Variants in TRPM1 observed in about 807,000 individuals in gnomAD.
TRPM1 encodes TRPM1-203 APA Isoform, Intron 10.
Under a neutral mutation model 149.4 loss-of-function variants are expected in TRPM1, and 113 were observed. That is an observed-to-expected ratio of 0.76 (90% CI 0.65 to 0.88). TRPM1 has a LOEUF of 0.88. TRPM1 is among the 40% of genes least tolerant of loss of function. TRPM1 has a pLI of 0.00. For missense variants in TRPM1, 1,976 were observed against 2,038.7 expected (o/e 0.97, Z 0.59); for synonymous variants, 741 against 759.5 (o/e 0.98, Z 0.40).
intron 1 of TRPM1, among the ~76,000 whole-genome samples, chr15:31,146,138 G>C (rs1439569956): frequency 2.6e-5 from 4 of 152,132 alleles, no homozygotes; most frequent in Admixed American, 6.5e-5. Flanking sequence ...TTGGTGCACT[G>C]TATCCTCTCA....
chr15:31,003,097 T>C, intron 27 of TRPM1, 27 bp from the exon 28 acceptor site: 3 of 1,578,004 alleles, frequency 1.9e-6, no homozygotes, highest in Non-Finnish European at 2.6e-6. Context: ...GATAGATTTA[T>C]TAAACTGAGA....
chr15:31,145,757 C>T (rs1304971981), intron 1 of TRPM1, among the ~76,000 whole-genome samples: 1 of 152,026 alleles, frequency 6.6e-6, no homozygotes, highest in East Asian at 1.9e-4. Flanking sequence ...CACAGCCACT[C>T]AAAATGTGTA....
At chr15:31,139,601 T>A (rs369232371) in intron 1 of TRPM1, among the ~76,000 whole-genome samples, 1 of 152,238 alleles carries the variant, frequency 6.6e-6, no homozygotes. Flanking sequence ...CTAACCTCAA[T>A]GCCTTTTTGT....
At chr15:31,119,001 A>G (rs546023529) in intron 1 of TRPM1, among the ~76,000 whole-genome samples, 32 of 152,266 alleles carry the variant, frequency 2.1e-4, no homozygotes, top group Admixed American at 7.2e-4. Flanking sequence ...GCACTTTGGG[A>G]GGCCGAGGTG....
intron 1 of TRPM1, among the ~76,000 whole-genome samples, chr15:31,107,663 T>A (rs2035626990): frequency 6.6e-6 from 1 of 152,024 alleles, no homozygotes; most frequent in African/African-American, 2.4e-5. Flanking sequence ...TTATTTGAGA[T>A]CTTTCATTCT....
At chr15:31,130,252 CA>C (rs759905274) in intron 1 of TRPM1, among the ~76,000 whole-genome samples, 4 of 152,144 alleles carry the variant, frequency 2.6e-5, no homozygotes, top group African/African-American at 4.8e-5. Flanking sequence ...AAATGAGAAG[CA>C]AAAGAGATCA....
intron 11 of TRPM1, among the ~76,000 whole-genome samples, chr15:31,053,417 A>ATTT (rs376760976): frequency 0.012 from 1,715 of 140,334 alleles, 30 homozygotes; most frequent in African/African-American, 0.026. Flanking sequence ...CTCCCGGCTC[A>ATTT]TTTTTTTTTT....
chr15:31,002,031 G>A lies in TRPM1; in HGVS notation c.4669C>T (p.Leu1557=). The A allele has an allele frequency of 1.2e-6, 2 of 1,614,216 alleles. No individual in the cohort carries two copies. The highest frequency in any genetic ancestry group is 8.5e-7 in the Non-Finnish European group (1 of 1,180,028). The change falls in exon 28 of 28, where the codon CTG becomes TTG. Residue 1557 remains leucine (L), a synonymous_variant. Transcript: ENST00000256552. ...AAAGTTTGATCTGGCTTCACAGACA[G>A]TAAGTTTTCCATCCCATTTCTGTCA... The part of the protein sequence containing the change: ...ITDRNGMENL[L]SVKPDQTLGF...
At chr15:31,049,983 G>A (rs879678811) in intron 12 of TRPM1, among the ~76,000 whole-genome samples, 2 of 152,214 alleles carry the variant, frequency 1.3e-5, no homozygotes, top group Non-Finnish European at 2.9e-5. Flanking sequence ...GCGATGTGTG[G>A]CTCCAGCCTC....
At chr15:31,037,229 C>A (rs570150410) in intron 20 of TRPM1, among the ~76,000 whole-genome samples, 27 of 152,330 alleles carry the variant, frequency 1.8e-4, no homozygotes, top group African/African-American at 6.5e-4. Context: ...GCCAGCCAAG[C>A]GGGTCAGTTT....
At position 31,037,952 on chromosome 15, in the gene TRPM1, C is replaced by G; in HGVS notation, c.2439+92G>C. ...ACACAATTCCAAAAATACCTTTAAC[C>G]AGTGAGATTTCTCAATCTGTGGTAC... On this transcript the variant is annotated intron_variant, in intron 19 of 27. Coordinates refer to ENST00000256552, the MANE Select transcript of TRPM1 (RefSeq NM_001252024.2). 1.4e-5 allele frequency: 23 copies of G among 1,611,648 alleles called. 1 individual carries two copies. Among genetic ancestry groups the G allele is most frequent in the Non-Finnish European group, 2.0e-5 (23 of 1,178,320 alleles).
At chr15:31,035,298 G>A (rs1050803449) in intron 21 of TRPM1, among the ~76,000 whole-genome samples, 12 of 152,114 alleles carry the variant, frequency 7.9e-5, no homozygotes, top group African/African-American at 2.7e-4. Context: ...GCACCACCAC[G>A]ACTGGCTAAT....
intron 2 of TRPM1, among the ~76,000 whole-genome samples, chr15:31,077,645 G>A (rs1298113414): frequency 2.0e-5 from 3 of 152,128 alleles, no homozygotes; most frequent in Non-Finnish European, 4.4e-5. Context: ...GGAAGGGCTC[G>A]TGGGAGGCAG....
At chr15:31,152,993 C>A (rs1017451854) in intron 1 of TRPM1, among the ~76,000 whole-genome samples, 2 of 152,188 alleles carry the variant, frequency 1.3e-5, no homozygotes, top group African/African-American at 4.8e-5. Context: ...AAATTCCAGG[C>A]TGACTCTAGT....
chr15:31,015,373 T>A (rs1324156032), intron 27 of TRPM1, among the ~76,000 whole-genome samples: 3 of 151,004 alleles, frequency 2.0e-5, no homozygotes, highest in Non-Finnish European at 2.9e-5. Context: ...GATCATGCCA[T>A]TGCCCTCCAG....
chr15:31,062,962 C>G, intron 8 of TRPM1, 156 bp downstream of exon 8: 1 of 1,118,138 alleles, frequency 8.9e-7, no homozygotes, highest in South Asian at 1.3e-5. Flanking sequence ...GATGGTTCCC[C>G]TGGATGCTGA....
intron 1 of TRPM1, among the ~76,000 whole-genome samples, chr15:31,100,161 C>G (rs1193759058): frequency 6.6e-6 from 1 of 151,594 alleles, no homozygotes. Flanking sequence ...CTCACTGCAA[C>G]CTCCACCTCC....
At chr15:31,088,577 G>A (rs895182119) in intron 1 of TRPM1, among the ~76,000 whole-genome samples, 6 of 152,234 alleles carry the variant, frequency 3.9e-5, no homozygotes, top group African/African-American at 1.4e-4. Context: ...CACTGCTGAA[G>A]TGAGCAAGGC....
chr15:31,013,764 AGTT>A (rs1002012534), intron 27 of TRPM1, among the ~76,000 whole-genome samples: 2 of 152,032 alleles, frequency 1.3e-5, no homozygotes, highest in Admixed American at 6.5e-5. Context: ...TGATTTTTGT[AGTT>A]GTTGTTTGCT....
Sources: gnomAD v4.1 joint callset for allele counts (sites outside exome capture counted in the v4.1 genomes callset) on GRCh38, gnomAD v4.1.1 for gene constraint, MANE v1.5 for transcripts, NCBI Gene and HGNC (gene_info 2026-07-23, HGNC 2026-07-21) for gene names.